XKR6: variants seen among roughly 807,000 people sequenced by gnomAD.
XKR6 encodes the protein XK-related protein 6.
In XKR6, 22 loss-of-function variants were observed where a neutral mutation model predicts 56.7. The observed-to-expected ratio is 0.39, with a 90% CI of 0.28 to 0.55. XKR6 has a LOEUF of 0.55. XKR6 is among the 20% of genes least tolerant of loss of function. The probability of loss-of-function intolerance (pLI) is 0.66; values close to 1 mark genes in which losing one functional copy is unlikely to be tolerated. For missense variants in XKR6, 852 were observed against 889.0 expected (o/e 0.96, Z 0.53); for synonymous variants, 524 against 387.8 (o/e 1.35, Z -4.13).
At chr8:11,195,122 T>C (rs1563211446) in intron 1 of XKR6, 12 of 703,142 alleles carry the variant, frequency 1.7e-5, no homozygotes, top group Non-Finnish European at 2.6e-5. Context: ...TCTGGATTTT[T>C]CAGATGGGAG....
At position 10,897,279 on chromosome 8, in the gene XKR6, GC is replaced by G. The variant is rs2129106147; in HGVS notation, c.*672del. 1 of 152,674 alleles carries G rather than the reference GC, an allele frequency of 6.5e-6. No homozygotes were observed. Among genetic ancestry groups the G allele is most frequent in the African/African-American group, 2.4e-5 (1 of 41,564 alleles). 9.5% of individuals were successfully genotyped at this position (152,674 alleles called of 1,614,324 possible). On this transcript the variant is annotated 3_prime_UTR_variant, in exon 3 of 3. Transcript: ENST00000416569. ...AAAAGAGGGAGGGGTTTATGCTTTT[GC>G]TTTTGGTAAATTTGTTTTCTTCAAT...
chr8:11,029,087 G>A lies in XKR6; in HGVS notation c.765-104257C>T, dbSNP rs545378127. Among the ~76,000 whole-genome samples, 3 of 152,212 alleles carry A rather than the reference G, an allele frequency of 2.0e-5. No homozygotes were observed. In the South Asian group the frequency reaches 6.2e-4, roughly 32 times the overall value. On this transcript the variant is annotated intron_variant, in intron 1 of 2. Transcript: ENST00000416569. ...CAGTGATGCTGGCTGAGTCCTCAGC[G>A]ACCCTCCCAGTCCTGTGTCGTAGGC...
intron 2 of XKR6, among the ~76,000 whole-genome samples, chr8:10,917,276 T>G (rs1317512556): frequency 6.6e-6 from 1 of 152,186 alleles, no homozygotes; most frequent in Non-Finnish European, 1.5e-5. Context: ...TTGGGCAACT[T>G]CCTTCCCTCT....
chr8:11,078,992 G>A (rs928993746), intron 1 of XKR6, among the ~76,000 whole-genome samples: 10 of 152,222 alleles, frequency 6.6e-5, no homozygotes, highest in Admixed American at 2.0e-4. Context: ...ACTCCGGGGC[G>A]AGGAAGAAGG....
chr8:11,112,099 T>C (rs531542281), intron 1 of XKR6, among the ~76,000 whole-genome samples: 1 of 152,318 alleles, frequency 6.6e-6, no homozygotes, highest in African/African-American at 2.4e-5. Flanking sequence ...ACAATACTCA[T>C]CCACACCACC....
chr8:11,046,731 C>A (rs887237771), intron 1 of XKR6, among the ~76,000 whole-genome samples: 1 of 152,056 alleles, frequency 6.6e-6, no homozygotes, highest in African/African-American at 2.4e-5. Context: ...AAGTGGCCAT[C>A]CATGGATGAA....
At chr8:11,133,916 A>G (rs1318133861) in intron 1 of XKR6, among the ~76,000 whole-genome samples, 1 of 151,890 alleles carries the variant, frequency 6.6e-6, no homozygotes, top group African/African-American at 2.4e-5. Flanking sequence ...TCTAAACCCC[A>G]CAACTTTGTC....
At chr8:11,046,394 T>C (rs971131988) in intron 1 of XKR6, among the ~76,000 whole-genome samples, 7 of 152,062 alleles carry the variant, frequency 4.6e-5, no homozygotes, top group African/African-American at 1.4e-4. Context: ...AGTGGGACTC[T>C]GTCTCAAAAG....
At chr8:11,150,274 T>C (rs1339686394) in intron 1 of XKR6, among the ~76,000 whole-genome samples, 3 of 152,232 alleles carry the variant, frequency 2.0e-5, no homozygotes, top group East Asian at 3.8e-4. Flanking sequence ...CTCAATGTCA[T>C]GGATACCCCA....
chr8:11,137,760 C>T (rs1022145321), intron 1 of XKR6: 7 of 452,086 alleles, frequency 1.5e-5, no homozygotes, highest in Admixed American at 2.4e-5. Flanking sequence ...AATCCTGCTC[C>T]GGTCCTCTTT....
intron 1 of XKR6, among the ~76,000 whole-genome samples, chr8:11,055,970 C>A (rs541352612): frequency 6.6e-6 from 1 of 152,206 alleles, no homozygotes; most frequent in Non-Finnish European, 1.5e-5. Context: ...GGAAGCCTGT[C>A]TGAAGGCCCC....
At chr8:11,166,766 T>C (rs3021501) in intron 1 of XKR6, among the ~76,000 whole-genome samples, 43,136 of 151,818 alleles carry the variant, frequency 0.28, 7,260 homozygotes, top group Middle Eastern at 0.4. Flanking sequence ...AGAGACGGGG[T>C]TTCACCATGT....
intron 1 of XKR6, among the ~76,000 whole-genome samples, chr8:10,927,348 C>T (rs948470732): frequency 2.6e-5 from 4 of 152,080 alleles, no homozygotes; most frequent in African/African-American, 9.7e-5. Flanking sequence ...ATCAGAGCTG[C>T]CCCCTGTGAC....
chr8:11,085,023 C>T (rs968809382), intron 1 of XKR6, among the ~76,000 whole-genome samples: 2 of 152,172 alleles, frequency 1.3e-5, no homozygotes, highest in Non-Finnish European at 2.9e-5. Context: ...CAGTTTCCCA[C>T]CCCCCAGCTC....
At chr8:10,920,992 G>C (rs546773932) in intron 2 of XKR6, among the ~76,000 whole-genome samples, 2 of 152,200 alleles carry the variant, frequency 1.3e-5, no homozygotes, top group African/African-American at 4.8e-5. Context: ...ACACAGGAGG[G>C]GCTTCCCTGG....
chr8:11,185,603 G>C (rs192790157), intron 1 of XKR6, among the ~76,000 whole-genome samples: 1 of 152,116 alleles, frequency 6.6e-6, no homozygotes, highest in African/African-American at 2.4e-5. Flanking sequence ...AGTTTCCTGG[G>C]AGATGGCACC....
At chr8:11,126,453 C>T (rs1468935068) in intron 1 of XKR6, among the ~76,000 whole-genome samples, 3 of 151,934 alleles carry the variant, frequency 2.0e-5, no homozygotes, top group Non-Finnish European at 4.4e-5. Flanking sequence ...CTACTCAGTT[C>T]TTGAATTTTT....
At chr8:11,119,285 G>A (rs527696561) in intron 1 of XKR6, among the ~76,000 whole-genome samples, 286 of 152,298 alleles carry the variant, frequency 1.9e-3, no homozygotes, top group African/African-American at 6.6e-3. Flanking sequence ...TGTATATTCT[G>A]TTGATTTGGG....
intron 2 of XKR6, among the ~76,000 whole-genome samples, chr8:10,915,508 T>G (rs1487924434): frequency 2.7e-5 from 1 of 36,574 alleles, no homozygotes; most frequent in Non-Finnish European, 6.7e-5. Context: ...CTCCTGTTTC[T>G]TTTTTTTTTT....
Sources: gnomAD v4.1 joint callset for allele counts (sites outside exome capture counted in the v4.1 genomes callset) on GRCh38, gnomAD v4.1.1 for gene constraint, MANE v1.5 for transcripts, NCBI Gene and HGNC (gene_info 2026-07-23, HGNC 2026-07-21) for gene names.